The following PALLD variants were observed in gnomAD, a reference collection of about 807,000 sequenced individuals.
The protein encoded by PALLD is palladin, cytoskeletal associated protein, also known as palladin.
In PALLD, 61 loss-of-function variants were observed where a neutral mutation model predicts 123.5. That is an observed-to-expected ratio of 0.49 (90% CI 0.40 to 0.61). PALLD has a LOEUF of 0.61. Among genes scored for constraint, PALLD ranks in the 20% least tolerant of loss-of-function variants. The probability of loss-of-function intolerance (pLI) is 0.00; values close to 1 mark genes in which losing one functional copy is unlikely to be tolerated. For synonymous variants in PALLD, 465 were observed against 496.4 expected, an observed-to-expected ratio of 0.94 and a Z score of 0.84; for missense variants, 1,273 against 1,377.0, an observed-to-expected ratio of 0.92 and a Z score of 1.20.
intron 10 of PALLD, among the ~76,000 whole-genome samples, chr4:168,822,285 G>C (rs1240673445): frequency 6.6e-6 from 1 of 151,894 alleles, no homozygotes; most frequent in Non-Finnish European, 1.5e-5. Flanking sequence ...TTTGGGGAGG[G>C]GGTGGGGTGG....
At chr4:168,863,701 G>A (rs1749842156) in intron 10 of PALLD, 1 of 152,102 alleles carries the variant, frequency 6.6e-6, no homozygotes, top group Non-Finnish European at 1.5e-5. Context: ...GGTTCATTTT[G>A]ACATTTTTGT....
intron 10 of PALLD, among the ~76,000 whole-genome samples, chr4:168,774,356 AAG>A (rs1734869864): frequency 6.6e-6 from 1 of 152,152 alleles, no homozygotes; most frequent in African/African-American, 2.4e-5. Context: ...ATATATAAGA[AAG>A]AGCACATATT....
At chr4:168,646,451 G>A (rs988558592) in intron 2 of PALLD, among the ~76,000 whole-genome samples, 2 of 152,210 alleles carry the variant, frequency 1.3e-5, no homozygotes, top group Non-Finnish European at 2.9e-5. Context: ...ACACAGCTCT[G>A]TAATTCTGGA....
At chr4:168,539,646 AG>A (rs1316628080) in intron 2 of PALLD, among the ~76,000 whole-genome samples, 1 of 151,976 alleles carries the variant, frequency 6.6e-6, no homozygotes, top group African/African-American at 2.4e-5. Context: ...GGTTGTGCAA[AG>A]GCCTCTCACA....
chr4:168,909,872 T>C (rs563666223), intron 15 of PALLD, among the ~76,000 whole-genome samples: 1 of 152,230 alleles, frequency 6.6e-6, no homozygotes, highest in East Asian at 1.9e-4. Context: ...GGGGGTTTTT[T>C]CCCCCAAACA....
rs188509462 is a variant in PALLD, at chr4:168,821,514, G to A, written c.1965-69408G>A. 2.8e-3 allele frequency among the ~76,000 whole-genome samples: 428 copies of A among 151,836 alleles called. 2 individuals carry two copies. Among genetic ancestry groups the A allele is most frequent in the Middle Eastern group, 0.014 (4 of 294 alleles). On this transcript the variant is annotated intron_variant, in intron 10 of 21. Coordinates refer to ENST00000505667, the MANE Select transcript of PALLD (RefSeq NM_001166108.2). ...ATGTACAAATATATACATGTTTAAT[G>A]TATTATTACACATACAGATATACAC...
At chr4:168,763,492 A>T in intron 10 of PALLD, among the ~76,000 whole-genome samples, 1 of 152,202 alleles carries the variant, frequency 6.6e-6, no homozygotes, top group East Asian at 1.9e-4. Flanking sequence ...CTGAAGACAC[A>T]TGGCACTTTT....
chr4:168,619,952 G>T (rs914272193), intron 2 of PALLD, among the ~76,000 whole-genome samples: 2 of 152,118 alleles, frequency 1.3e-5, no homozygotes, highest in African/African-American at 2.4e-5. Context: ...TCCAATAGTA[G>T]TGATGAGTTT....
At chr4:168,865,486 G>A (rs1340903574) in intron 10 of PALLD, among the ~76,000 whole-genome samples, 1 of 152,190 alleles carries the variant, frequency 6.6e-6, no homozygotes, top group Admixed American at 6.5e-5. Flanking sequence ...AAATTGCTCT[G>A]AGTATCCAGA....
At chr4:168,820,138 T>A (rs1291729040) in intron 10 of PALLD, among the ~76,000 whole-genome samples, 1 of 152,258 alleles carries the variant, frequency 6.6e-6, no homozygotes, top group Non-Finnish European at 1.5e-5. Flanking sequence ...TTCTGCTTCA[T>A]CTAGTTACTT....
chr4:168,642,703 G>C lies in PALLD; in HGVS notation c.909-25487G>C, dbSNP rs537648187. Among the ~76,000 whole-genome samples the C allele has an allele frequency of 3.3e-5, 5 of 152,326 alleles. No homozygotes were observed. The East Asian group carries it at 9.6e-4, about 29-fold the overall frequency. On this transcript the variant is annotated intron_variant, in intron 2 of 21. Transcript: ENST00000505667. The stretch of plus-strand genomic sequence containing the variant: ...AGACATGAGCCACCACGCCTGGCAG[G>C]CATCTTCTGCTCAATAGGCTTGAGT...
chr4:168,896,642 G>T, intron 13 of PALLD, 43 bp downstream of exon 13: 1 of 1,124,398 alleles, frequency 8.9e-7, no homozygotes, highest in Non-Finnish European at 1.3e-6. Context: ...CTTTCTCTGT[G>T]TCTGTTTTCT....
At chr4:168,552,981 G>A (rs955746488) in intron 2 of PALLD, among the ~76,000 whole-genome samples, 4 of 152,048 alleles carry the variant, frequency 2.6e-5, no homozygotes, top group South Asian at 2.1e-4. Context: ...CAGACAATAT[G>A]TGTTAAGCAT....
intron 10 of PALLD, among the ~76,000 whole-genome samples, chr4:168,852,430 AAAG>A (rs1747939049): frequency 6.6e-6 from 1 of 152,192 alleles, no homozygotes; most frequent in East Asian, 1.9e-4. Flanking sequence ...AATGAAAAGA[AAAG>A]AAAAGAAACA....
chr4:168,655,434 A>C (rs559785765), intron 2 of PALLD, among the ~76,000 whole-genome samples: 1 of 152,262 alleles, frequency 6.6e-6, no homozygotes, highest in Non-Finnish European at 1.5e-5. Context: ...GCCACATTTG[A>C]ACACCATTAG....
chr4:168,624,782 G>T (rs942784948), intron 2 of PALLD, among the ~76,000 whole-genome samples: 6 of 152,098 alleles, frequency 3.9e-5, no homozygotes, highest in African/African-American at 1.4e-4. Flanking sequence ...CCAGCTAGAA[G>T]ATGTAATGAG....
chr4:168,803,338 A>G (rs1039632446), intron 10 of PALLD, among the ~76,000 whole-genome samples: 8 of 152,002 alleles, frequency 5.3e-5, no homozygotes, highest in African/African-American at 1.9e-4. Context: ...AGATCTTGTG[A>G]GAAGTCACTC....
intron 2 of PALLD, among the ~76,000 whole-genome samples, chr4:168,551,056 C>T (rs886758914): frequency 3.3e-5 from 5 of 151,980 alleles, no homozygotes; most frequent in African/African-American, 9.7e-5. Flanking sequence ...TAGTGTATAC[C>T]CTTGTTACAT....
Position 168,808,838 on chromosome 4 carries a change from A to G in PALLD, c.1965-82084A>G, listed in dbSNP as rs183636682. On this transcript the variant is annotated intron_variant, in intron 10 of 21. Coordinates refer to ENST00000505667, the MANE Select transcript of PALLD (RefSeq NM_001166108.2). ...TGGAGGAAACTGCCCCCATGATTCA[A>G]TTATCTCCCACCGGATCCCTCCCAC... 2.6e-5 allele frequency among the ~76,000 whole-genome samples: 4 copies of G among 152,234 alleles called. No individual in the cohort carries two copies. The South Asian group carries it at 6.2e-4, about 24-fold the overall frequency.
Sources: allele counts gnomAD v4.1 joint callset (sites outside exome capture counted in the v4.1 genomes callset), GRCh38; gene constraint gnomAD v4.1.1; transcripts MANE v1.5; gene names NCBI Gene and HGNC (gene_info 2026-07-23, HGNC 2026-07-21).